FBXO34: variants seen among roughly 807,000 people sequenced by gnomAD.
The protein encoded by FBXO34 is F-box only protein 34.
A neutral mutation model predicts 24.5 loss-of-function variants in FBXO34; 12 were observed. The ratio of observed to expected loss-of-function variants is 0.49; its 90% CI spans 0.31 to 0.79. The LOEUF is 0.79. Among genes scored for constraint, FBXO34 ranks in the 30% least tolerant of loss-of-function variants. FBXO34 has a pLI of 0.04. For synonymous variants in FBXO34, 320 were observed against 311.9 expected, an observed-to-expected ratio of 1.03 and a Z score of -0.27; for missense variants, 823 against 857.7, an observed-to-expected ratio of 0.96 and a Z score of 0.51.
chr14:55,409,982 G>C, the FBXO34 span, among the ~76,000 whole-genome samples: 6 of 151,804 alleles, frequency 4.0e-5, no homozygotes, highest in African/African-American at 1.2e-4. Flanking sequence ...TTGAAGAGTA[G>C]ATGGGATTTG....
chr14:55,283,133 T>C (rs750776774), intron 1 of FBXO34, among the ~76,000 whole-genome samples: 16 of 152,198 alleles, frequency 1.1e-4, no homozygotes, highest in Non-Finnish European at 2.1e-4. Context: ...AGCTCATTTG[T>C]GGAACGAAGG....
the FBXO34 span, among the ~76,000 whole-genome samples, chr14:55,380,875 A>ATATATATATATTTTTTTTTT: frequency 1.8e-5 from 2 of 112,726 alleles, no homozygotes; most frequent in Middle Eastern, 4.3e-3. Context: ...ATATATATAT[A>ATATATATATATTTTTTTTTT]TTTTTTTTTT....
At chr14:55,402,927 ATATATATATATATATATATATAT>A in the FBXO34 span, among the ~76,000 whole-genome samples, 1 of 8,920 alleles carries the variant, frequency 1.1e-4, no homozygotes, top group African/African-American at 6.6e-4. Context: ...AAAAAAAAAA[ATATATATATATATATATATATAT>A]ATATATATAT....
chr14:55,356,585 C>A (rs1469498520), downstream of FBXO34, among the ~76,000 whole-genome samples: 2 of 151,922 alleles, frequency 1.3e-5, no homozygotes, highest in Admixed American at 6.5e-5. Context: ...GTAGCTGGGA[C>A]TACAGGCATG....
the FBXO34 span, among the ~76,000 whole-genome samples, chr14:55,398,721 C>T: frequency 4.6e-5 from 7 of 152,056 alleles, no homozygotes; most frequent in Non-Finnish European, 8.8e-5. Flanking sequence ...CTTGAAATAA[C>T]GTGTATTCTA....
intron 3 of FBXO34, among the ~76,000 whole-genome samples, chr14:55,358,677 G>A (rs909174955): frequency 7.2e-5 from 11 of 152,346 alleles, no homozygotes; most frequent in Non-Finnish European, 1.6e-4. Flanking sequence ...CCCTACTAAT[G>A]TGCAGGAGCT....
intron 1 of FBXO34, among the ~76,000 whole-genome samples, chr14:55,309,927 G>C (rs1882679505): frequency 6.6e-6 from 1 of 152,128 alleles, no homozygotes; most frequent in Non-Finnish European, 1.5e-5. Flanking sequence ...TGAGTTTTCT[G>C]ATCCTTATCA....
chr14:55,339,795 G>A (rs1883929361), intron 1 of FBXO34, among the ~76,000 whole-genome samples: 1 of 152,148 alleles, frequency 6.6e-6, no homozygotes, highest in South Asian at 2.1e-4. Context: ...TTCTTTACAA[G>A]TAGTAATTCT....
At chr14:55,378,021 T>C in the FBXO34 span, 1 of 1,613,226 alleles carries the variant, frequency 6.2e-7, no homozygotes, top group South Asian at 1.1e-5. Flanking sequence ...TGCATTCAGT[T>C]TCTTCACTGC....
chr14:55,317,117 C>T (rs971947139), intron 1 of FBXO34, among the ~76,000 whole-genome samples: 1 of 152,120 alleles, frequency 6.6e-6, no homozygotes, highest in African/African-American at 2.4e-5. Flanking sequence ...TTTCCCCTCC[C>T]TGGAAGTCAA....
the FBXO34 span, among the ~76,000 whole-genome samples, chr14:55,439,823 C>T: frequency 1.3e-5 from 2 of 149,726 alleles, no homozygotes; most frequent in Non-Finnish European, 3.0e-5. Flanking sequence ...CCCAGCTACT[C>T]GGGAGGCTGA....
chr14:55,308,578 T>C (rs1833651861), intron 1 of FBXO34, among the ~76,000 whole-genome samples: 1 of 152,234 alleles, frequency 6.6e-6, no homozygotes, highest in South Asian at 2.1e-4. Context: ...AAGTATATTG[T>C]TCTTTACTCT....
chr14:55,280,804 G>A (rs1189517048), intron 1 of FBXO34, among the ~76,000 whole-genome samples: 2 of 152,080 alleles, frequency 1.3e-5, no homozygotes, highest in Non-Finnish European at 2.9e-5. Context: ...GGGATTACAG[G>A]CGTGAACCAC....
chr14:55,322,541 C>T (rs909123895), intron 1 of FBXO34, among the ~76,000 whole-genome samples: 34 of 151,948 alleles, frequency 2.2e-4, no homozygotes, highest in Non-Finnish European at 4.3e-4. Flanking sequence ...TCGCTCTGTT[C>T]CCTAGGCTGG....
At chr14:55,441,066 A>G in the FBXO34 span, among the ~76,000 whole-genome samples, 3 of 152,168 alleles carry the variant, frequency 2.0e-5, no homozygotes, top group Admixed American at 2.0e-4. Flanking sequence ...GGCTGGTCTG[A>G]AACTCCTGAC....
At chr14:55,363,218 A>G (rs934038165), downstream of FBXO34, among the ~76,000 whole-genome samples, 3 of 147,616 alleles carry the variant, frequency 2.0e-5, no homozygotes, top group African/African-American at 5.1e-5. Context: ...AATTTCTAGT[A>G]GAGATGGGGT....
downstream of FBXO34, among the ~76,000 whole-genome samples, chr14:55,374,507 C>T (rs1566577406): frequency 2.0e-5 from 3 of 152,174 alleles, no homozygotes; most frequent in Non-Finnish European, 1.5e-5. Flanking sequence ...TTGTTTATGG[C>T]AGCTTTCACT....
At chr14:55,305,063 C>A (rs1380427409) in intron 1 of FBXO34, among the ~76,000 whole-genome samples, 2 of 152,102 alleles carry the variant, frequency 1.3e-5, no homozygotes, top group East Asian at 3.9e-4. Context: ...ATTTAACTAA[C>A]CTCAAATAAA....
the FBXO34 span, among the ~76,000 whole-genome samples, chr14:55,375,652 C>A: frequency 1.3e-5 from 2 of 152,022 alleles, no homozygotes; most frequent in Non-Finnish European, 2.9e-5. Flanking sequence ...TTTGAACTAT[C>A]ATTTCAAACA....
Sources: allele counts gnomAD v4.1 joint callset (sites outside exome capture counted in the v4.1 genomes callset), GRCh38; gene constraint gnomAD v4.1.1; transcripts MANE v1.5; gene names NCBI Gene and HGNC (gene_info 2026-07-23, HGNC 2026-07-21).